The following CNTLN variants were observed in gnomAD, a reference collection of about 807,000 sequenced individuals.
CNTLN encodes centlein, centrosomal protein.
In CNTLN, 212 loss-of-function variants were observed where a neutral mutation model predicts 180.0. The ratio of observed to expected loss-of-function variants is 1.18; its 90% CI spans 1.05 to 1.32. The LOEUF (loss-of-function observed/expected upper bound fraction) is 1.32. Ranked by LOEUF, CNTLN falls within the 40% of genes most tolerant of loss-of-function variation. The probability of loss-of-function intolerance (pLI) is 0.00; values close to 1 mark genes in which losing one functional copy is unlikely to be tolerated. For missense variants in CNTLN, 2,095 were observed against 1,610.9 expected, an observed-to-expected ratio of 1.30 and a Z score of -5.14; for synonymous variants, 722 against 563.1, an observed-to-expected ratio of 1.28 and a Z score of -3.99.
At chr9:17,166,639 C>T (rs979016377) in intron 2 of CNTLN, among the ~76,000 whole-genome samples, 1 of 152,092 alleles carries the variant, frequency 6.6e-6, no homozygotes, top group African/African-American at 2.4e-5. Context: ...ATTAGAATAA[C>T]AGTGATTGTC....
At chr9:17,311,565 T>G (rs1206044169) in intron 8 of CNTLN, among the ~76,000 whole-genome samples, 2 of 151,454 alleles carry the variant, frequency 1.3e-5, no homozygotes, top group Non-Finnish European at 2.9e-5. Flanking sequence ...ATCCCAGCAC[T>G]TTGAGAGGCC....
chr9:17,224,146 AC>A (rs1002948194), intron 2 of CNTLN, among the ~76,000 whole-genome samples: 5 of 151,922 alleles, frequency 3.3e-5, no homozygotes, highest in African/African-American at 1.2e-4. Context: ...TTTCTTCGTT[AC>A]CCTAATTTAT....
At chr9:17,366,291 A>AGTT (rs1823811773) in intron 12 of CNTLN, among the ~76,000 whole-genome samples, 2 of 118,610 alleles carry the variant, frequency 1.7e-5, no homozygotes, top group South Asian at 2.4e-4. Context: ...ATGATGGGCT[A>AGTT]GTTGTTATTG....
At chr9:17,170,977 T>C (rs1820386262) in intron 2 of CNTLN, among the ~76,000 whole-genome samples, 1 of 152,236 alleles carries the variant, frequency 6.6e-6, no homozygotes, top group Admixed American at 6.5e-5. Flanking sequence ...AGTTATAGAC[T>C]GTACCATATA....
chr9:17,455,865 C>T (rs75184239), intron 18 of CNTLN, among the ~76,000 whole-genome samples: 1 of 151,574 alleles, frequency 6.6e-6, no homozygotes, highest in East Asian at 1.9e-4. Flanking sequence ...GACTGCAACA[C>T]AAATTGAAGC....
intron 13 of CNTLN, among the ~76,000 whole-genome samples, chr9:17,378,629 T>C (rs1389548267): frequency 6.6e-6 from 1 of 152,216 alleles, no homozygotes; most frequent in East Asian, 1.9e-4. Flanking sequence ...TTTATTAAAT[T>C]CAGGTTTTTG....
intron 18 of CNTLN, among the ~76,000 whole-genome samples, chr9:17,432,291 G>T (rs1457917147): frequency 6.6e-6 from 1 of 152,164 alleles, no homozygotes; most frequent in Non-Finnish European, 1.5e-5. Context: ...TAAAGCACAA[G>T]AAATTACAAG....
chr9:17,332,127 G>A (rs556437921), intron 9 of CNTLN, among the ~76,000 whole-genome samples: 10 of 152,010 alleles, frequency 6.6e-5, no homozygotes, highest in Admixed American at 3.9e-4. Flanking sequence ...TGGTCATTAT[G>A]GTATAAGATC....
chr9:17,383,812 G>A (rs1044497169), intron 13 of CNTLN, among the ~76,000 whole-genome samples: 9 of 151,744 alleles, frequency 5.9e-5, no homozygotes, highest in Non-Finnish European at 1.0e-4. Flanking sequence ...TAATTTTTTT[G>A]TATTTTTAGT....
chr9:17,215,047 TCA>T, intron 2 of CNTLN, among the ~76,000 whole-genome samples: 2 of 152,236 alleles, frequency 1.3e-5, no homozygotes, highest in African/African-American at 4.8e-5. Flanking sequence ...CCTTCTTTTC[TCA>T]ACTCGTTAAA....
At chr9:17,462,377 G>C (rs777207346) in intron 19 of CNTLN, among the ~76,000 whole-genome samples, 40 of 151,816 alleles carry the variant, frequency 2.6e-4, no homozygotes, top group Admixed American at 3.9e-4. Flanking sequence ...TTCCAAGAAG[G>C]GAAAGAGAGA....
At chr9:17,337,073 T>C (rs1821096788) in intron 10 of CNTLN, among the ~76,000 whole-genome samples, 1 of 152,214 alleles carries the variant, frequency 6.6e-6, no homozygotes. Flanking sequence ...TGATGAGCTT[T>C]TTTTCATATG....
In CNTLN at chr9:17,330,800, A is replaced by G. The variant is rs1820594223; in HGVS notation, c.1510A>G (p.Lys504Glu). 1.2e-6 allele frequency: 2 copies of G among 1,606,512 alleles called. No homozygotes were observed. The highest frequency in any genetic ancestry group is 1.7e-6 in the Non-Finnish European group (2 of 1,176,494). The change falls in exon 9 of 26, where the codon AAA becomes GAA. Residue 504 changes from lysine (K) to glutamate (E), a missense_variant. Physicochemically the swap from Lys to Glu is moderately conservative, Grantham distance 56. Transcript: ENST00000380647. ...RKSIMTSAEG[K>E]HKEPPVKRSR... ...GAGCATCATGACAAGTGCTGAAGGAAAACATAAGGTAGGGACATTTTGTCA... is the reference window on the plus strand; with the variant it reads ...GAGCATCATGACAAGTGCTGAAGGAGAACATAAGGTAGGGACATTTTGTCA...
At chr9:17,238,595 G>A (rs1825297028) in intron 5 of CNTLN, among the ~76,000 whole-genome samples, 1 of 152,110 alleles carries the variant, frequency 6.6e-6, no homozygotes, top group African/African-American at 2.4e-5. Context: ...TTGTCCTCCA[G>A]TCACAGTTTT....
chr9:17,358,491 C>G (rs1452449856), intron 12 of CNTLN, among the ~76,000 whole-genome samples: 1 of 152,026 alleles, frequency 6.6e-6, no homozygotes, highest in Non-Finnish European at 1.5e-5. Flanking sequence ...TTACACATAA[C>G]TGCACACATG....
chr9:17,509,027 T>C, the CNTLN span, among the ~76,000 whole-genome samples: 3 of 152,206 alleles, frequency 2.0e-5, no homozygotes, highest in African/African-American at 7.2e-5. Flanking sequence ...ATTGATAGGA[T>C]AGGATAACCT....
intron 25 of CNTLN, among the ~76,000 whole-genome samples, chr9:17,498,845 T>C (rs900809876): frequency 1.3e-5 from 2 of 152,178 alleles, no homozygotes; most frequent in African/African-American, 4.8e-5. Flanking sequence ...GCAAGATCTT[T>C]GCTGTGGTCA....
chr9:17,364,698 G>A (rs903468637), intron 12 of CNTLN, among the ~76,000 whole-genome samples: 1 of 152,024 alleles, frequency 6.6e-6, no homozygotes, highest in Non-Finnish European at 1.5e-5. Flanking sequence ...TGCTTGACTC[G>A]AGAATTATTT....
At chr9:17,486,077 G>C (rs921742722) in intron 24 of CNTLN, among the ~76,000 whole-genome samples, 2 of 152,122 alleles carry the variant, frequency 1.3e-5, no homozygotes, top group Non-Finnish European at 2.9e-5. Context: ...ACTGTTCTAA[G>C]AGGGATAGGT....
Sources: allele counts gnomAD v4.1 joint callset (sites outside exome capture counted in the v4.1 genomes callset), GRCh38; gene constraint gnomAD v4.1.1; transcripts MANE v1.5; gene names NCBI Gene and HGNC (gene_info 2026-07-23, HGNC 2026-07-21).